The following NEK4 variants were observed in gnomAD, a reference collection of about 807,000 sequenced individuals.
NEK4 encodes the protein serine/threonine-protein kinase Nek4.
In NEK4, 86 loss-of-function variants were observed where a neutral mutation model predicts 98.4. The observed-to-expected ratio is 0.87, with a 90% CI of 0.73 to 1.05. The LOEUF is 1.05. Ranked by LOEUF, NEK4 falls within the 50% of genes least tolerant of loss-of-function variation. NEK4 has a pLI of 0.00. For synonymous variants in NEK4, 328 were observed against 342.2 expected, an observed-to-expected ratio of 0.96 and a Z score of 0.46; for missense variants, 898 against 950.3, an observed-to-expected ratio of 0.94 and a Z score of 0.72.
chr3:52,765,860 G>C, intron 4 of NEK4, 27 bp downstream of exon 4: 1 of 1,361,488 alleles, frequency 7.3e-7, no homozygotes, highest in Non-Finnish European at 1.0e-6. Flanking sequence ...AGAAATACTG[G>C]TCAATTAGTT....
At chr3:52,720,777 G>C (rs900699228) in intron 15 of NEK4, among the ~76,000 whole-genome samples, 6 of 152,188 alleles carry the variant, frequency 3.9e-5, no homozygotes, top group African/African-American at 1.4e-4. Context: ...AGTTCATCAA[G>C]CTAAAAGGAT....
At chr3:52,723,917 T>C (rs1271814340) in intron 15 of NEK4, among the ~76,000 whole-genome samples, 2 of 152,158 alleles carry the variant, frequency 1.3e-5, no homozygotes, top group Non-Finnish European at 2.9e-5. Context: ...GAGTCTACAC[T>C]GAAATACATT....
At chr3:52,764,004 GC>G (rs1698455081) in intron 4 of NEK4, among the ~76,000 whole-genome samples, 2 of 152,232 alleles carry the variant, frequency 1.3e-5, no homozygotes, top group Admixed American at 6.5e-5. Flanking sequence ...AAAAACTAGG[GC>G]CAGTCGCAGT....
At chr3:52,754,304 G>C (rs576217897) in intron 6 of NEK4, 6 of 353,696 alleles carry the variant, frequency 1.7e-5, no homozygotes, top group African/African-American at 1.3e-4. Flanking sequence ...TGGATGTGAA[G>C]AGCATTTGGA....
intron 15 of NEK4, among the ~76,000 whole-genome samples, chr3:52,725,935 T>A (rs1276237836): frequency 6.6e-6 from 1 of 151,982 alleles, no homozygotes; most frequent in Non-Finnish European, 1.5e-5. Flanking sequence ...AGAATGGATT[T>A]AAAAAAACCC....
chr3:52,765,929 T>C lies in NEK4; in HGVS notation c.624A>G (p.Ala208=). The C allele has an allele frequency of 6.2e-7, 1 of 1,612,180 alleles. No homozygotes were observed. The highest frequency in any genetic ancestry group is 8.5e-7 in the Non-Finnish European group (1 of 1,178,214). Residue 208 remains alanine, a synonymous_variant, in exon 4 of 16, where the codon GCA becomes GCG. Transcript: ENST00000233027. The part of the protein sequence containing the change: ...EMATLKHAFN[A]KDMNSLVYRI... ...GATAAACTAAAGAATTCATATCTTT[T>C]GCATTGAAAGCATGCTTCAAGGTGG... is the stretch of plus-strand genomic sequence containing the variant.
At chr3:52,718,664 C>T (rs1350383183) in intron 15 of NEK4, among the ~76,000 whole-genome samples, 1 of 152,076 alleles carries the variant, frequency 6.6e-6, no homozygotes, top group Non-Finnish European at 1.5e-5. Flanking sequence ...CAGCAGTCAC[C>T]ACCTTGATCA....
In NEK4 at chr3:52,713,738, G is replaced by A. The variant is rs545271605; in HGVS notation, c.2434-1869C>T. Among the ~76,000 whole-genome samples the A allele has an allele frequency of 7.5e-5, 11 of 145,824 alleles. 1 individual carries two copies. The South Asian group carries it at 2.4e-3, about 31-fold the overall frequency. On this transcript the variant is annotated intron_variant, in intron 15 of 15. Transcript: ENST00000233027. ...GAACCCGCGAGGCGGAGGTTGCGGT[G>A]AGCCAAGATTGCACCATTGCACTCT...
rs139306475 is a variant in NEK4 at position 52,720,282 on chromosome 3, G to A, written c.2434-8413C>T. Among the ~76,000 whole-genome samples, 522 of 151,630 alleles carry A rather than the reference G, an allele frequency of 3.4e-3. 4 individuals are homozygous for A. Among genetic ancestry groups the A allele is most frequent in the African/African-American group, 0.012 (499 of 41,294 alleles). ...ATGGAGGTTGTAGTGAGCTGAGATC[G>A]CACCACTGCACTCCAGCCTGGGTGA... On this transcript the variant is annotated intron_variant, in intron 15 of 15. Coordinates refer to ENST00000233027, the MANE Select transcript of NEK4 (RefSeq NM_003157.6).
chr3:52,719,498 G>A (rs577124124), intron 15 of NEK4, among the ~76,000 whole-genome samples: 1 of 151,396 alleles, frequency 6.6e-6, no homozygotes, highest in African/African-American at 2.4e-5. Context: ...CAGGAGAATC[G>A]CTTGAACCTG....
intron 15 of NEK4, chr3:52,733,490 T>C: frequency 2.3e-6 from 1 of 430,684 alleles, no homozygotes; most frequent in Non-Finnish European, 4.5e-6. Context: ...AAATTTTCCC[T>C]CACTCAACAG....
intron 13 of NEK4, among the ~76,000 whole-genome samples, chr3:52,740,184 G>C (rs555544351): frequency 3.3e-5 from 5 of 152,218 alleles, no homozygotes; most frequent in Non-Finnish European, 5.9e-5. Context: ...AAAGAAGCAG[G>C]AAAATATCAT....
chr3:52,746,649 A>G, intron 9 of NEK4, 85 bp downstream of exon 9: 20 of 1,207,078 alleles, frequency 1.7e-5, no homozygotes, highest in Non-Finnish European at 2.1e-5. Context: ...CATTTCTTAC[A>G]TGCCTTTTTG....
At chr3:52,770,521 C>T (rs1003854380) in intron 1 of NEK4, 133 bp downstream of exon 1, 1 of 684,666 alleles carries the variant, frequency 1.5e-6, no homozygotes, top group Non-Finnish European at 2.6e-6. Flanking sequence ...TCGTCTTGGT[C>T]TGGGACCATT....
intron 6 of NEK4, chr3:52,754,098 G>A (rs567548557): frequency 5.1e-4 from 128 of 248,668 alleles, no homozygotes; most frequent in South Asian, 9.0e-4. Flanking sequence ...GGAGGCAGAG[G>A]TTGCGGTGAG....
chr3:52,758,737 A>C lies in NEK4; in HGVS notation c.963+2058T>G, dbSNP rs191483097. ...ATACTTGCAAGTTGTCTATCTGACA[A>C]GGGACTAGTATCTGGAACACAGATC... On this transcript the variant is annotated intron_variant, in intron 6 of 15. Coordinates refer to ENST00000233027, the MANE Select transcript of NEK4 (RefSeq NM_003157.6). Among the ~76,000 whole-genome samples, 226 of 152,318 alleles carry C rather than the reference A, an allele frequency of 1.5e-3. 2 individuals are homozygous for C. Among genetic ancestry groups the C allele is most frequent in the African/African-American group, 5.1e-3 (213 of 41,568 alleles).
intron 11 of NEK4, 38 bp from the exon 12 acceptor site, chr3:52,743,499 G>T: frequency 6.6e-7 from 1 of 1,525,710 alleles, no homozygotes; most frequent in Non-Finnish European, 9.1e-7. Context: ...GTTTGTGGTG[G>T]GCTGCCCCAG....
intron 12 of NEK4, 176 bp downstream of exon 12, chr3:52,743,176 G>A: frequency 1.8e-6 from 1 of 571,188 alleles, no homozygotes; most frequent in South Asian, 2.3e-5. Flanking sequence ...CCCTTAATGG[G>A]TCAATCATAA....
chr3:52,727,329 G>C (rs2097365502), intron 15 of NEK4, among the ~76,000 whole-genome samples: 1 of 152,092 alleles, frequency 6.6e-6, no homozygotes, highest in African/African-American at 2.4e-5. Flanking sequence ...AAGTGCACAT[G>C]GGTCATTCTC....
Sources: allele counts gnomAD v4.1 joint callset (sites outside exome capture counted in the v4.1 genomes callset), GRCh38; gene constraint gnomAD v4.1.1; transcripts MANE v1.5; gene names NCBI Gene and HGNC (gene_info 2026-07-23, HGNC 2026-07-21).